The following TPRG1 variants were observed in gnomAD, a reference collection of about 807,000 sequenced individuals.
TPRG1 encodes the protein tumor protein p63 regulated 1.
TPRG1 carries 29 observed loss-of-function variants against 29.3 expected under a neutral mutation model. The ratio of observed to expected loss-of-function variants is 0.99; its 90% CI spans 0.74 to 1.35. The LOEUF is 1.35. TPRG1 is among the 40% of genes most tolerant of loss of function. The probability of loss-of-function intolerance (pLI) is 0.00; values close to 1 mark genes in which losing one functional copy is unlikely to be tolerated. For missense variants in TPRG1, 327 were observed against 335.0 expected, an observed-to-expected ratio of 0.98 and a Z score of 0.19; for synonymous variants, 130 against 116.8, an observed-to-expected ratio of 1.11 and a Z score of -0.73.
chr3:189,312,177 CT>C (rs1722747680), intron 5 of TPRG1, among the ~76,000 whole-genome samples: 4 of 54,158 alleles, frequency 7.4e-5, no homozygotes, highest in African/African-American at 2.8e-4. Flanking sequence ...TTCTTTCTTT[CT>C]TTCTTTTTTT....
At chr3:189,074,022 CT>C (rs1482005523) in intron 4 of TPRG1, among the ~76,000 whole-genome samples, 1 of 152,034 alleles carries the variant, frequency 6.6e-6, no homozygotes, top group African/African-American at 2.4e-5. Context: ...GCTATTGGTG[CT>C]GATGAGAAGT....
At chr3:189,077,255 A>G (rs1717240793) in intron 4 of TPRG1, among the ~76,000 whole-genome samples, 1 of 152,184 alleles carries the variant, frequency 6.6e-6, no homozygotes, top group African/African-American at 2.4e-5. Flanking sequence ...ATTCAACGTC[A>G]TATTACTTAG....
At chr3:189,204,340 A>G (rs1405637993) in intron 1 of TPRG1, among the ~76,000 whole-genome samples, 1 of 152,196 alleles carries the variant, frequency 6.6e-6, no homozygotes, top group Non-Finnish European at 1.5e-5. Flanking sequence ...TTACTATTGA[A>G]TTGGGAATGA....
chr3:189,200,050 G>T (rs1251773598), intron 1 of TPRG1, among the ~76,000 whole-genome samples: 1 of 152,204 alleles, frequency 6.6e-6, no homozygotes, highest in Non-Finnish European at 1.5e-5. Context: ...GACGGCAAAA[G>T]AGTGAGCACC....
intron 4 of TPRG1, among the ~76,000 whole-genome samples, chr3:189,066,718 TA>T (rs1716475904): frequency 6.6e-6 from 1 of 151,694 alleles, no homozygotes; most frequent in African/African-American, 2.4e-5. Flanking sequence ...AGTATTATAC[TA>T]AATGGGGAAA....
chr3:189,215,357 C>T lies in TPRG1; in HGVS notation c.276C>T (p.Thr92=). 1 of 1,611,892 alleles carries T rather than the reference C, an allele frequency of 6.2e-7. No individual in the cohort carries two copies. Among genetic ancestry groups the T allele is most frequent in the Non-Finnish European group, 8.5e-7 (1 of 1,179,116 alleles). Residue 92 remains threonine, a synonymous_variant, in exon 3 of 6, where the codon ACC becomes ACT. Transcript: ENST00000345063. ...ACGTAGCTGAGACTTCTGGAGAGAC[C>T]ATTCAAGGCTTCTGGCTCTTGACAA... ...KGHVAETSGE[T]IQGFWLLTKI...
intron 4 of TPRG1, among the ~76,000 whole-genome samples, chr3:189,026,177 T>TC (rs1713651558): frequency 6.6e-6 from 1 of 152,212 alleles, no homozygotes. Context: ...AGGGTTGGTT[T>TC]CTGATGGGGC....
chr3:189,008,084 A>AG (rs1382629968), intron 3 of TPRG1, among the ~76,000 whole-genome samples: 1 of 14,314 alleles, frequency 7.0e-5, no homozygotes, highest in African/African-American at 9.0e-5. Context: ...AAAACGTTCT[A>AG]GAAAAAAAAA....
Position 189,137,295 on chromosome 3 carries a change from AATGTGTGTGT to A in TPRG1, c.-291+4599_-291+4608del, listed in dbSNP as rs1723868802. On this transcript the variant is annotated intron_variant, in intron 3 of 6. Transcript: ENST00000412373. ...AATAAACAGCTTCTGAAAACCCCAA[AATGTGTGTGT>A]GTGTGTGTGTGTGTGTGTGTGTGTG... Among the ~76,000 whole-genome samples, 3 of 105,150 alleles carry A rather than the reference AATGTGTGTGT, an allele frequency of 2.9e-5. No individual in the cohort carries two copies. The South Asian group carries it at 1.1e-3, about 37-fold the overall frequency. 69.0% of individuals were successfully genotyped at this position (105,150 alleles called of 152,430 possible). A position where few individuals can be genotyped will look rare whatever the true frequency, so the allele number is the denominator to read the frequency against.
At position 189,238,715 on chromosome 3, in the gene TPRG1, C is replaced by CT; in HGVS notation, c.303-17dup. The stretch of plus-strand genomic sequence containing the variant: ...AGGCTGTGTCATCAATTTTTATTTG[C>CT]TATGATGATTCCTATAGGATAGACC... On this transcript the variant is annotated splice_polypyrimidine_tract_variant and intron_variant, in intron 3 of 5. Transcript: ENST00000345063. The CT allele has an allele frequency of 6.4e-7, 1 of 1,574,364 alleles. No individual in the cohort carries two copies. Among genetic ancestry groups the CT allele is most frequent in the Non-Finnish European group, 8.7e-7 (1 of 1,155,150 alleles).
chr3:189,202,055 G>T (rs1733588508), intron 1 of TPRG1, among the ~76,000 whole-genome samples: 1 of 152,112 alleles, frequency 6.6e-6, no homozygotes, highest in South Asian at 2.1e-4. Context: ...GGCTGGTTAT[G>T]CCTTTCAAGC....
At chr3:189,320,565 T>G in intron 5 of TPRG1, 61 bp from the exon 6 acceptor site, 103 of 1,440,956 alleles carry the variant, frequency 7.1e-5, no homozygotes, top group Non-Finnish European at 9.1e-5. Context: ...GCTGGGGAGA[T>G]GAGTATCTCT....
chr3:189,244,140 AAG>A (rs1398502919), intron 4 of TPRG1, among the ~76,000 whole-genome samples: 2 of 152,150 alleles, frequency 1.3e-5, no homozygotes, highest in East Asian at 3.9e-4. Flanking sequence ...TTATTAAAAA[AAG>A]AGGTTTGCCG....
chr3:189,159,387 G>A lies in TPRG1; in HGVS notation c.-10+8515G>A, dbSNP rs1272667129. On this transcript the variant is annotated intron_variant, in intron 5 of 6. Coordinates refer to the TPRG1 transcript ENST00000412373. ...AGGTAGAGGGAATAAGATAGGCAACGGCAAAGATGCATAAACTAGCATGGT... is the reference window on the plus strand; with the variant it reads ...AGGTAGAGGGAATAAGATAGGCAACAGCAAAGATGCATAAACTAGCATGGT... Among the ~76,000 whole-genome samples, 7 of 152,010 alleles carry A rather than the reference G, an allele frequency of 4.6e-5. No individual in the cohort carries two copies. The South Asian group carries it at 6.2e-4, about 14-fold the overall frequency.
chr3:189,033,234 A>C (rs1040063652), intron 4 of TPRG1, among the ~76,000 whole-genome samples: 1 of 152,036 alleles, frequency 6.6e-6, no homozygotes, highest in Non-Finnish European at 1.5e-5. Context: ...ACAGAAAAAA[A>C]GGAGATTGGC....
upstream of TPRG1, among the ~76,000 whole-genome samples, chr3:189,096,949 C>G (rs1042432434): frequency 2.6e-5 from 4 of 152,152 alleles, no homozygotes; most frequent in South Asian, 4.1e-4. Context: ...GGGAGTTTCT[C>G]TAAGATTAAC....
At chr3:189,054,018 G>C (rs1362245422) in intron 4 of TPRG1, among the ~76,000 whole-genome samples, 1 of 152,140 alleles carries the variant, frequency 6.6e-6, no homozygotes, top group Non-Finnish European at 1.5e-5. Context: ...CAGTTTGGCT[G>C]TTTGGGGTAA....
chr3:189,018,634 C>T (rs1320975940), intron 3 of TPRG1, among the ~76,000 whole-genome samples: 1 of 149,606 alleles, frequency 6.7e-6, no homozygotes, highest in Non-Finnish European at 1.5e-5. Flanking sequence ...GTTACTGTAG[C>T]CTTGTAGTAT....
At position 189,251,810 on chromosome 3, in the gene TPRG1, G is replaced by A. The variant is rs186374508; in HGVS notation, c.479+12901G>A. Among the ~76,000 whole-genome samples the A allele has an allele frequency of 7.9e-4, 121 of 152,208 alleles. 1 individual carries two copies. In the East Asian group the frequency reaches 0.02, roughly 25 times the overall value. On this transcript the variant is annotated intron_variant, in intron 4 of 5. Coordinates refer to ENST00000345063, the MANE Select transcript of TPRG1 (RefSeq NM_198485.4). The stretch of plus-strand genomic sequence containing the variant: ...GGAACATACAATCGGGTTTTATACC[G>A]AGACATTCCATTGCCCAGGGACGGG...
Sources: gnomAD v4.1 joint callset for allele counts (sites outside exome capture counted in the v4.1 genomes callset) on GRCh38, gnomAD v4.1.1 for gene constraint, MANE v1.5 for transcripts, NCBI Gene and HGNC (gene_info 2026-07-23, HGNC 2026-07-21) for gene names.